Variants in ZNF225 observed in about 807,000 individuals in gnomAD.
The protein encoded by ZNF225 is zinc finger protein 225.
Under a neutral mutation model 12.0 loss-of-function variants are expected in ZNF225, and 6 were observed. That is an observed-to-expected ratio of 0.50 (90% CI 0.27 to 0.98). The LOEUF (loss-of-function observed/expected upper bound fraction) is 0.98. Among genes scored for constraint, ZNF225 ranks in the 50% least tolerant of loss-of-function variants. The pLI, the probability that ZNF225 is intolerant of heterozygous loss-of-function variation, is 0.11. For synonymous variants in ZNF225, 271 were observed against 283.2 expected (o/e 0.96, Z 0.43); for missense variants, 763 against 848.2 (o/e 0.90, Z 1.25).
intron 2 of ZNF225, among the ~76,000 whole-genome samples, 188 bp downstream of exon 2, chr19:44,116,030 T>G (rs766688251): frequency 1.3e-5 from 2 of 151,912 alleles, no homozygotes; most frequent in Non-Finnish European, 2.9e-5. Flanking sequence ...CCCAGAAAAT[T>G]TTTGTATTTT....
At chr19:44,125,251 A>G (rs1410538011) in intron 4 of ZNF225, among the ~76,000 whole-genome samples, 5 of 152,120 alleles carry the variant, frequency 3.3e-5, no homozygotes, top group Non-Finnish European at 7.4e-5. Context: ...AAATTCTGTC[A>G]GCGTTTGTCT....
In ZNF225 at chr19:44,131,146, T is replaced by C. The variant is rs745945494; in HGVS notation, c.532T>C (p.Cys178Arg). Residue 178 changes from cysteine to arginine, a missense_variant, in exon 5 of 5, where the codon TGT becomes CGT. Cys to Arg is a radical substitution (Grantham distance 180, BLOSUM62 -3). Coordinates refer to ENST00000262894, the MANE Select transcript of ZNF225 (RefSeq NM_013362.4). ...ACAGTCAAGAGAGAAGTCTCATACATGTGATGAATGTGGAAAGAGTTTCTG... is the reference window on the plus strand; with the variant it reads ...ACAGTCAAGAGAGAAGTCTCATACACGTGATGAATGTGGAAAGAGTTTCTG... The part of the protein sequence containing the change: ...QLQSREKSHT[C>R]DECGKSFCYS... 4 of 1,614,192 alleles carry C rather than the reference T, an allele frequency of 2.5e-6. No homozygotes were observed. The East Asian group carries it at 6.7e-5, about 27-fold the overall frequency.
At chr19:44,117,209 A>C (rs896465347) in intron 2 of ZNF225, among the ~76,000 whole-genome samples, 5 of 152,248 alleles carry the variant, frequency 3.3e-5, no homozygotes. Context: ...ATCATTGAAA[A>C]AACTATAATA....
Position 44,130,951 on chromosome 19 carries a change from A to G in ZNF225, c.337A>G (p.Arg113Gly), listed in dbSNP as rs762710562. 3 of 1,614,004 alleles carry G rather than the reference A, an allele frequency of 1.9e-6. No homozygotes were observed. Among genetic ancestry groups the G allele is most frequent in the East Asian group, 2.2e-5 (1 of 44,862 alleles). The change falls in exon 5 of 5, where the codon AGG becomes GGG. Residue 113 changes from arginine (R) to glycine (G), a missense_variant. Coordinates refer to ENST00000262894, the MANE Select transcript of ZNF225 (RefSeq NM_013362.4). ...GGAACAAATTTCAAGTGACTTAACC[A>G]GGTTTCAAGACTCCATGGTAAACAG... ...TWEQISSDLT[R>G]FQDSMVNSFQ...
At chr19:44,119,349 C>T (rs1968009719) in intron 4 of ZNF225, among the ~76,000 whole-genome samples, 1 of 152,174 alleles carries the variant, frequency 6.6e-6, no homozygotes, top group Non-Finnish European at 1.5e-5. Context: ...AAAAATTTAT[C>T]ATCTTTCTGT....
chr19:44,115,475 C>T (rs770663058), intron 1 of ZNF225: 27 of 187,344 alleles, frequency 1.4e-4, no homozygotes, highest in Non-Finnish European at 2.9e-4. Context: ...ATGTGACTGG[C>T]TTCTTTCACT....
intron 4 of ZNF225, chr19:44,128,812 G>T (rs1968194564): frequency 2.6e-6 from 1 of 382,918 alleles, no homozygotes. Flanking sequence ...GAAGGTTTCA[G>T]ATTTATTTTA....
chr19:44,115,565 A>G (rs905915400), intron 1 of ZNF225, 195 bp from the exon 2 acceptor site: 10 of 374,184 alleles, frequency 2.7e-5, no homozygotes, highest in Admixed American at 2.6e-4. Flanking sequence ...ATAAGATTCC[A>G]TTGTATGGAT....
intron 2 of ZNF225, 39 bp downstream of exon 2, chr19:44,115,881 T>A: frequency 6.2e-7 from 1 of 1,605,512 alleles, no homozygotes; most frequent in Non-Finnish European, 8.5e-7. Flanking sequence ...AAAATTTCTT[T>A]TATGGAGACT....
intron 4 of ZNF225, among the ~76,000 whole-genome samples, chr19:44,125,630 T>G (rs1968133107): frequency 6.6e-6 from 1 of 152,266 alleles, no homozygotes; most frequent in South Asian, 2.1e-4. Flanking sequence ...CAAATATGTT[T>G]TCCAAGCTTT....
In ZNF225 at chr19:44,131,182, G is replaced by A; in HGVS notation, c.568G>A (p.Ala190Thr). 1 of 1,614,166 alleles carries A rather than the reference G, an allele frequency of 6.2e-7. No individual in the cohort carries two copies. Among genetic ancestry groups the A allele is most frequent in the Non-Finnish European group, 8.5e-7 (1 of 1,180,028 alleles). Residue 190 changes from alanine to threonine, a missense_variant, in exon 5 of 5, where the codon GCT becomes ACT. Transcript: ENST00000262894. ...ECGKSFCYSS[A>T]LRIHQRVHMG... ...TGGAAAGAGTTTCTGTTATAGCTCA[G>A]CTCTTCGTATTCATCAGAGAGTTCA... is the stretch of plus-strand genomic sequence containing the variant.
At position 44,132,856 on chromosome 19, in the gene ZNF225, G is replaced by C; in HGVS notation, c.*121G>C. On this transcript the variant is annotated 3_prime_UTR_variant, in exon 5 of 5. Transcript: ENST00000262894. ...AACATTTATCATTTATTTATGTTGG[G>C]AACCCTTAAAATTCACTGTCCTAGC... The C allele has an allele frequency of 1.1e-6, 1 of 946,394 alleles. No individual in the cohort carries two copies. The highest frequency in any genetic ancestry group is 1.5e-6 in the Non-Finnish European group (1 of 657,922). 58.6% of individuals were successfully genotyped at this position (946,394 alleles called of 1,614,324 possible).
chr19:44,112,856 G>C (rs1308416938), upstream of ZNF225: 2 of 152,234 alleles, frequency 1.3e-5, no homozygotes, highest in African/African-American at 2.4e-5. Flanking sequence ...CTCGAAGACT[G>C]TGTCTTCTCG....
chr19:44,113,168 A>T (rs1967864525), upstream of ZNF225: 1 of 152,456 alleles, frequency 6.6e-6, no homozygotes, highest in Admixed American at 6.5e-5. Flanking sequence ...AGGAGGATAC[A>T]AGCAATTCTG....
intron 3 of ZNF225, 24 bp from the exon 4 acceptor site, chr19:44,118,458 G>C: frequency 6.2e-7 from 1 of 1,613,416 alleles, no homozygotes; most frequent in Non-Finnish European, 8.5e-7. Flanking sequence ...TTGGCACTAA[G>C]CACATGACTT....
chr19:44,131,414 A>G lies in ZNF225; in HGVS notation c.800A>G (p.Lys267Arg). 6 of 1,614,232 alleles carry G rather than the reference A, an allele frequency of 3.7e-6. No homozygotes were observed. The highest frequency in any genetic ancestry group is 5.1e-6 in the Non-Finnish European group (6 of 1,180,038). The part of the protein sequence containing the change: ...VKPHICEKCG[K>R]AFIHDSQLQE... Reference sequence around the variant, plus strand: ...CCTCATATTTGTGAGAAATGTGGGAAGGCCTTCATTCATGATTCCCAGCTT... The same window carrying G: ...CCTCATATTTGTGAGAAATGTGGGAGGGCCTTCATTCATGATTCCCAGCTT... Residue 267 changes from lysine (K) to arginine (R), a missense_variant, in exon 5 of 5, where the codon AAG (lysine) becomes AGG (arginine). Coordinates refer to ENST00000262894, the MANE Select transcript of ZNF225 (RefSeq NM_013362.4).
chr19:44,131,333 G>T lies in ZNF225; in HGVS notation c.719G>T (p.Gly240Val). Residue 240 changes from glycine (G) to valine (V), a missense_variant, in exon 5 of 5, where the codon GGC (glycine) becomes GTC (valine). Transcript: ENST00000262894. The stretch of plus-strand genomic sequence containing the variant: ...TTCAAATGTGAGCAGTGTGGGAAAG[G>T]CTTTAGTCGTAGATCAGGACTTTAT... ...KPFKCEQCGK[G>V]FSRRSGLYVH... is the part of the protein sequence containing the mutation. 1 of 1,614,136 alleles carries T rather than the reference G, an allele frequency of 6.2e-7. No homozygotes were observed. The highest frequency in any genetic ancestry group is 8.5e-7 in the Non-Finnish European group (1 of 1,180,008).
At chr19:44,120,418 T>A (rs1016329703) in intron 4 of ZNF225, among the ~76,000 whole-genome samples, 5 of 152,240 alleles carry the variant, frequency 3.3e-5, no homozygotes, top group Non-Finnish European at 7.3e-5. Flanking sequence ...AATTATTTGT[T>A]ATCCTGATAA....
rs751251831 is a variant in ZNF225, at chr19:44,132,638, G to A, written c.2024G>A (p.Ser675Asn). 9.9e-6 allele frequency: 16 copies of A among 1,613,796 alleles called. No homozygotes were observed. Among genetic ancestry groups the A allele is most frequent in the Non-Finnish European group, 1.4e-5 (16 of 1,179,962 alleles). Residue 675 changes from serine to asparagine, a missense_variant, in exon 5 of 5, where the codon AGT (serine) becomes AAT (asparagine). Physicochemically the swap from Ser to Asn is conservative, Grantham distance 46. Transcript: ENST00000262894. ...SCLKDQQRDQ[S>N]GEKTSKCEDC... ...CTTAAAGACCAACAAAGAGACCAAA[G>A]TGGAGAGAAAACATCTAAATGTGAG... is the stretch of plus-strand genomic sequence containing the variant.
Sources: allele counts gnomAD v4.1 joint callset (sites outside exome capture counted in the v4.1 genomes callset), GRCh38; gene constraint gnomAD v4.1.1; transcripts MANE v1.5; gene names NCBI Gene and HGNC (gene_info 2026-07-23, HGNC 2026-07-21).